PIF1: variants seen among roughly 807,000 people sequenced by gnomAD.
PIF1 encodes the protein PIF1 5'-to-3' DNA helicase.
Under a neutral mutation model 62.3 loss-of-function variants are expected in PIF1, and 67 were observed. The ratio of observed to expected loss-of-function variants is 1.08; its 90% CI spans 0.88 to 1.32. The LOEUF (loss-of-function observed/expected upper bound fraction) is 1.32, where lower values mean the gene tolerates loss of function less well. Ranked by LOEUF, PIF1 falls within the 40% of genes most tolerant of loss-of-function variation. PIF1 has a pLI of 0.00. For synonymous variants in PIF1, 364 were observed against 379.5 expected, an observed-to-expected ratio of 0.96 and a Z score of 0.47; for missense variants, 886 against 866.1, an observed-to-expected ratio of 1.02 and a Z score of -0.29.
Position 64,821,080 on chromosome 15 carries a change from G to A in PIF1, c.1095C>T (p.Ser365=). The change falls in exon 7 of 13, where the codon AGC becomes AGT. Residue 365 remains serine (S), a synonymous_variant. Coordinates refer to ENST00000559239, the MANE Select transcript of PIF1 (RefSeq NM_001286496.2). ...QPPRFCFQSK[S]WKRCVPVTLE... ...GGGTCACTGGCACACACCTCTTCCA[G>A]CTCTTGGACTGGTGGGGGCAGGGTG... The A allele has an allele frequency of 6.2e-7, 1 of 1,613,924 alleles. No individual in the cohort carries two copies. The highest frequency in any genetic ancestry group is 8.5e-7 in the Non-Finnish European group (1 of 1,179,872).
In PIF1 at chr15:64,819,909, C is replaced by A. The variant is rs781567822; in HGVS notation, c.1271G>T (p.Arg424Met). The change falls in exon 8 of 13, where the codon AGG (arginine) becomes ATG (methionine). Residue 424 changes from arginine (R) to methionine (M), a missense_variant. Arg to Met is a moderately conservative substitution (Grantham distance 91). Transcript: ENST00000559239. ...CACATCATCCTGGTGGGTGCAGAGC[C>A]TCGTGGCCACAATCCCATCTCGCCC... ...KVGRDGIVAT[R>M]LCTHQDDVAL... 1.9e-6 allele frequency: 3 copies of A among 1,614,168 alleles called. No homozygotes were observed. Among genetic ancestry groups the A allele is most frequent in the Admixed American group, 3.3e-5 (2 of 60,024 alleles).
chr15:64,824,479 G>C (rs1420253138), intron 1 of PIF1, 125 bp from the exon 2 acceptor site: 1 of 570,682 alleles, frequency 1.8e-6, no homozygotes, highest in East Asian at 3.5e-5. Flanking sequence ...AAGATCACGA[G>C]GACTGTCACT....
At position 64,819,854 on chromosome 15, in the gene PIF1, C is replaced by T. The variant is rs1001293204; in HGVS notation, c.1326G>A (p.Glu442=). The change falls in exon 8 of 13, where the codon GAG becomes GAA. Residue 442 remains glutamate, a synonymous_variant. Coordinates refer to ENST00000559239, the MANE Select transcript of PIF1 (RefSeq NM_001286496.2). ...CCCAGGCTCCCTGCTCACCTGGCAG[C>T]TCCTGAAGCCGCCTCTCGTTGGTGA... ...VALTNERRLQ[E]LPGKVHRFEA... 1 of 1,613,278 alleles carries T rather than the reference C, an allele frequency of 6.2e-7. No homozygotes were observed.
intron 2 of PIF1, 166 bp downstream of exon 2, chr15:64,823,612 A>G: frequency 2.2e-6 from 1 of 446,458 alleles, no homozygotes. Context: ...CAGGGATTAC[A>G]CTATAACAAC....
At chr15:64,820,322 C>A (rs2084267936) in intron 7 of PIF1, among the ~76,000 whole-genome samples, 1 of 152,230 alleles carries the variant, frequency 6.6e-6, no homozygotes, top group Admixed American at 6.5e-5. Flanking sequence ...ATTTGCAGGA[C>A]CCAGATTGGC....
chr15:64,816,542 C>T, intron 12 of PIF1, 32 bp downstream of exon 12: 1 of 1,608,192 alleles, frequency 6.2e-7, no homozygotes, highest in Non-Finnish European at 8.5e-7. Context: ...CTGCCCGTGG[C>T]CACAGCCCAC....
In PIF1 at chr15:64,825,630, G is replaced by C. The variant is rs893659991; in HGVS notation, c.-81C>G. 4 of 152,174 alleles carry C rather than the reference G, an allele frequency of 2.6e-5. No individual in the cohort carries two copies. The highest frequency in any genetic ancestry group is 9.7e-5 in the African/African-American group (4 of 41,444). The allele number at this position is 152,174 out of a possible 1,614,324, so 9.4% of individuals were successfully genotyped here. A position where few individuals can be genotyped will look rare whatever the true frequency, so the allele number is the denominator to read the frequency against. On this transcript the variant is annotated 5_prime_UTR_variant, in exon 1 of 13. Coordinates refer to ENST00000559239, the MANE Select transcript of PIF1 (RefSeq NM_001286496.2). ...TCAGATGAACAAGCAGATCGTAGCCGGCCTGTGGCTAAGCTCCGAAACTAG... is the reference window on the plus strand; with the variant it reads ...TCAGATGAACAAGCAGATCGTAGCCCGCCTGTGGCTAAGCTCCGAAACTAG...
Position 64,822,397 on chromosome 15 carries a change from C to T in PIF1, c.692-6G>A. ...CAGATATGACTTCCCTGTTCCTGGA[C>T]AGGGGCAAAGTTAGACAGGTCTCCC... On this transcript the variant is annotated splice_polypyrimidine_tract_variant and splice_region_variant and intron_variant, in intron 3 of 12. Coordinates refer to ENST00000559239, the MANE Select transcript of PIF1 (RefSeq NM_001286496.2). 1.2e-6 allele frequency: 2 copies of T among 1,614,156 alleles called. No individual in the cohort carries two copies. The highest frequency in any genetic ancestry group is 1.7e-6 in the Non-Finnish European group (2 of 1,180,014).
chr15:64,819,073 G>A (rs1447804144), intron 9 of PIF1, 44 bp downstream of exon 9: 1 of 1,466,276 alleles, frequency 6.8e-7, no homozygotes. Context: ...GGCCCATGCG[G>A]GACAGCCCAA....
intron 11 of PIF1, among the ~76,000 whole-genome samples, chr15:64,817,107 A>G (rs1306245161): frequency 6.6e-6 from 1 of 152,128 alleles, no homozygotes; most frequent in Non-Finnish European, 1.5e-5. Context: ...CATTATATCT[A>G]TACTTTATAC....
upstream of PIF1, among the ~76,000 whole-genome samples, chr15:64,826,627 T>TATATATATA (rs2084370665): frequency 9.1e-5 from 1 of 11,046 alleles, no homozygotes; most frequent in East Asian, 8.9e-3. Context: ...AGCTAATTTA[T>TATATATATA]ATATATATAT....
In PIF1 at chr15:64,816,743, T is replaced by G. The variant is rs779748872; in HGVS notation, c.1697A>C (p.Glu566Ala). The G allele has an allele frequency of 3.7e-5, 60 of 1,606,596 alleles. No individual in the cohort carries two copies. In the South Asian group the frequency reaches 5.9e-4, roughly 16 times the overall value. The change falls in exon 12 of 13, where the codon GAG becomes GCG. Residue 566 changes from glutamate (E) to alanine (A), a missense_variant. Transcript: ENST00000559239. ...KSQGMTLDCV[E>A]ISLGRVFASG... ...GGCAAACACACGGCCCAGAGAAATC[T>G]CCACACAATCCAGGGTCATGCCCTG...
In PIF1 at chr15:64,824,103, G is replaced by C; in HGVS notation, c.233C>G (p.Thr78Arg). ...GCTGCGCCCGGCCTCGGCGAAACGC[G>C]TGAAGAGGCGCGCGGCGCGCAGAGG... ...CFPLRAARLF[T>R]RFAEAGRSTL... is the part of the protein sequence containing the mutation. The change falls in exon 2 of 13, where the codon ACG becomes AGG. Residue 78 changes from threonine (T) to arginine (R), a missense_variant. Thr to Arg is a moderately conservative substitution (Grantham distance 71, BLOSUM62 -1). Transcript: ENST00000559239. 7.9e-7 allele frequency: 1 copy of C among 1,268,754 alleles called. No individual in the cohort carries two copies. The highest frequency in any genetic ancestry group is 9.9e-7 in the Non-Finnish European group (1 of 1,008,532). 78.6% of individuals were successfully genotyped at this position (1,268,754 alleles called of 1,614,324 possible).
intron 4 of PIF1, 63 bp downstream of exon 4, chr15:64,822,203 C>T (rs2084299162): frequency 6.4e-7 from 1 of 1,571,490 alleles, no homozygotes; most frequent in African/African-American, 1.4e-5. Flanking sequence ...TGCAGACCTC[C>T]CCTCTCTCCC....
chr15:64,818,056 C>T lies in PIF1; in HGVS notation c.1564G>A (p.Glu522Lys). 1 of 1,613,986 alleles carries T rather than the reference C, an allele frequency of 6.2e-7. No homozygotes were observed. Among genetic ancestry groups the T allele is most frequent in the Non-Finnish European group, 8.5e-7 (1 of 1,179,954 alleles). ...GTCCAGCGGTCAGCGTGGATGACCTCAGTGACTCCACACAGGAACCGCACC... is the reference window on the plus strand; with the variant it reads ...GTCCAGCGGTCAGCGTGGATGACCTTAGTGACTCCACACAGGAACCGCACC... ...PQVRFLCGVT[E>K]VIHADRWTVQ... Residue 522 changes from glutamate (E) to lysine (K), a missense_variant, in exon 11 of 13, where the codon GAG becomes AAG. Physicochemically the swap from Glu to Lys is moderately conservative, Grantham distance 56. Coordinates refer to ENST00000559239, the MANE Select transcript of PIF1 (RefSeq NM_001286496.2).
In PIF1 at chr15:64,822,497, G is replaced by T. The variant is rs764077234; in HGVS notation, c.672C>A (p.Ile224=). 6.2e-7 allele frequency: 1 copy of T among 1,613,630 alleles called. No homozygotes were observed. Among genetic ancestry groups the T allele is most frequent in the Non-Finnish European group, 8.5e-7 (1 of 1,179,986 alleles). The change falls in exon 3 of 13, where the codon ATC becomes ATA. Residue 224 remains isoleucine, a synonymous_variant. Coordinates refer to ENST00000559239, the MANE Select transcript of PIF1 (RefSeq NM_001286496.2). ...VLRAVLKGQS[I]FFTGSAGTGK... ...CACTACCTGCACTCCCAGTGAAGAA[G>T]ATGCTCTGGCCTTTCAGGACGGCCC...
intron 4 of PIF1, 144 bp from the exon 5 acceptor site, chr15:64,821,664 TG>T: frequency 1.1e-6 from 1 of 930,812 alleles, no homozygotes; most frequent in Non-Finnish European, 1.5e-6. Context: ...CTGGGCCTCA[TG>T]GGCTCAAGCG....
chr15:64,817,480 G>T (rs2084204026), intron 11 of PIF1, among the ~76,000 whole-genome samples: 1 of 151,880 alleles, frequency 6.6e-6, no homozygotes, highest in South Asian at 2.1e-4. Context: ...GGGAGGCGGA[G>T]CTTGCAGTGA....
At position 64,819,838 on chromosome 15, in the gene PIF1, C is replaced by A; in HGVS notation, c.1333+9G>T. The A allele has an allele frequency of 6.2e-7, 1 of 1,612,364 alleles. No individual in the cohort carries two copies. Among genetic ancestry groups the A allele is most frequent in the Non-Finnish European group, 8.5e-7 (1 of 1,180,030 alleles). ...AGCTGGTCTTGCCCAGCCCAGGCTC[C>A]CTGCTCACCTGGCAGCTCCTGAAGC... On this transcript the variant is annotated intron_variant, in intron 8 of 12. Transcript: ENST00000559239.
Sources: gnomAD v4.1 joint callset for allele counts (sites outside exome capture counted in the v4.1 genomes callset) on GRCh38, gnomAD v4.1.1 for gene constraint, MANE v1.5 for transcripts, NCBI Gene and HGNC (gene_info 2026-07-23, HGNC 2026-07-21) for gene names.